KAZN: variants seen among roughly 807,000 people sequenced by gnomAD.
KAZN encodes kazrin, periplakin interacting protein, also known as kazrin.
In KAZN, 40 loss-of-function variants were observed where a neutral mutation model predicts 87.4. That is an observed-to-expected ratio of 0.46 (90% CI 0.36 to 0.60). The LOEUF is 0.60. KAZN is among the 20% of genes least tolerant of loss of function. The pLI, the probability that KAZN is intolerant of heterozygous loss-of-function variation, is 0.00. For synonymous variants in KAZN, 466 were observed against 458.3 expected, an observed-to-expected ratio of 1.02 and a Z score of -0.22; for missense variants, 898 against 1,073.9, an observed-to-expected ratio of 0.84 and a Z score of 2.29.
intron 2 of KAZN, among the ~76,000 whole-genome samples, chr1:14,419,635 T>G (rs1247224837): frequency 1.3e-5 from 2 of 152,216 alleles, no homozygotes; most frequent in Non-Finnish European, 2.9e-5. Flanking sequence ...CGGAGTTTGT[T>G]CCTTCTGATT....
intron 2 of KAZN, among the ~76,000 whole-genome samples, chr1:14,344,948 T>C (rs1402027828): frequency 1.3e-5 from 2 of 148,476 alleles, no homozygotes; most frequent in Non-Finnish European, 3.0e-5. Flanking sequence ...AGATGGAGAC[T>C]GGTTCTGTCG....
At chr1:14,940,000 C>T (rs912248739) in intron 1 of KAZN, among the ~76,000 whole-genome samples, 4 of 152,148 alleles carry the variant, frequency 2.6e-5, no homozygotes, top group African/African-American at 9.7e-5. Flanking sequence ...GGTCTGCCTC[C>T]CTCTGTACCC....
rs115906622 is a variant in KAZN at position 14,041,667 on chromosome 1, C to T, written c.92-138768C>T. Among the ~76,000 whole-genome samples the T allele has an allele frequency of 6.3e-3, 958 of 152,218 alleles. 10 individuals carry two copies. Among genetic ancestry groups the T allele is most frequent in the African/African-American group, 0.022 (921 of 41,540 alleles). The stretch of plus-strand genomic sequence containing the variant: ...TCCATTATCCTGGAATTCCCTTTAC[C>T]TTTCTCCTGTGCTAGATTCCCTATT... On this transcript the variant is annotated intron_variant, in intron 1 of 16. Coordinates refer to the KAZN transcript ENST00000636203.
chr1:14,229,390 TATTG>T (rs1446753264), intron 2 of KAZN, among the ~76,000 whole-genome samples: 1 of 152,242 alleles, frequency 6.6e-6, no homozygotes, highest in East Asian at 1.9e-4. Context: ...TAAAAAGTGT[TATTG>T]AGGTGTTATT....
At chr1:14,908,894 A>C (rs1315916617) in intron 1 of KAZN, among the ~76,000 whole-genome samples, 3 of 152,096 alleles carry the variant, frequency 2.0e-5, no homozygotes, top group African/African-American at 7.2e-5. Flanking sequence ...AGGCGCCTGT[A>C]ATCCCAGCTA....
chr1:14,129,329 T>G (rs1644941015), intron 1 of KAZN, among the ~76,000 whole-genome samples: 1 of 152,232 alleles, frequency 6.6e-6, no homozygotes, highest in African/African-American at 2.4e-5. Flanking sequence ...TCGATCCCTG[T>G]GCCCCTATGG....
chr1:14,094,363 C>T (rs961791901), intron 1 of KAZN, among the ~76,000 whole-genome samples: 3 of 152,122 alleles, frequency 2.0e-5, no homozygotes, highest in Non-Finnish European at 4.4e-5. Context: ...CACTTGGATA[C>T]CTATCCCAAG....
intron 13 of KAZN, among the ~76,000 whole-genome samples, chr1:15,104,588 G>T (rs934170482): frequency 6.6e-6 from 1 of 152,148 alleles, no homozygotes; most frequent in East Asian, 1.9e-4. Context: ...GGGGACAAAG[G>T]CTTGGAGTCA....
intron 2 of KAZN, among the ~76,000 whole-genome samples, chr1:14,344,929 T>C (rs1475060940): frequency 6.6e-6 from 1 of 151,816 alleles, no homozygotes; most frequent in Non-Finnish European, 1.5e-5. Flanking sequence ...TTTTTTTTTT[T>C]TTTCCTTGAG....
intron 1 of KAZN, among the ~76,000 whole-genome samples, chr1:13,935,859 C>T (rs947193563): frequency 9.6e-6 from 1 of 104,500 alleles, no homozygotes; most frequent in Non-Finnish European, 1.9e-5. Flanking sequence ...CTTTTACATC[C>T]TAATGTGTGT....
chr1:14,358,517 G>T (rs891665845), intron 2 of KAZN, among the ~76,000 whole-genome samples: 1 of 152,088 alleles, frequency 6.6e-6, no homozygotes, highest in African/African-American at 2.4e-5. Context: ...TGTGATGTTA[G>T]GGTGTCGATT....
At chr1:14,215,387 A>G (rs1646938217) in intron 2 of KAZN, among the ~76,000 whole-genome samples, 1 of 152,134 alleles carries the variant, frequency 6.6e-6, no homozygotes. Context: ...TTCCTGATGA[A>G]CAGACTTGGA....
At chr1:15,043,399 T>C (rs928575568) in intron 3 of KAZN, among the ~76,000 whole-genome samples, 1 of 152,232 alleles carries the variant, frequency 6.6e-6, no homozygotes, top group Non-Finnish European at 1.5e-5. Flanking sequence ...GATTGACTCC[T>C]GCCCCATTTT....
chr1:14,362,997 C>T (rs530993971), intron 2 of KAZN, among the ~76,000 whole-genome samples: 1 of 152,304 alleles, frequency 6.6e-6, no homozygotes, highest in African/African-American at 2.4e-5. Flanking sequence ...TCTCCTAGCC[C>T]ATGCTGTATC....
intron 1 of KAZN, among the ~76,000 whole-genome samples, chr1:14,727,196 G>A (rs1371723478): frequency 6.6e-6 from 1 of 152,304 alleles, no homozygotes; most frequent in Admixed American, 6.5e-5. Context: ...CAGTACATCT[G>A]TTGGATAACC....
At chr1:14,794,145 C>T (rs914583193) in intron 1 of KAZN, among the ~76,000 whole-genome samples, 5 of 152,170 alleles carry the variant, frequency 3.3e-5, no homozygotes, top group South Asian at 2.1e-4. Flanking sequence ...CACTCTCCAC[C>T]GGTTCTTCTA....
At chr1:14,485,766 G>A (rs886763846) in intron 2 of KAZN, among the ~76,000 whole-genome samples, 1 of 151,900 alleles carries the variant, frequency 6.6e-6, no homozygotes, top group Non-Finnish European at 1.5e-5. Context: ...GCTGGTGCGT[G>A]CCTGTAGTCC....
intron 1 of KAZN, among the ~76,000 whole-genome samples, chr1:14,840,468 A>G (rs2100927476): frequency 6.6e-6 from 1 of 152,386 alleles, no homozygotes; most frequent in East Asian, 1.9e-4. Flanking sequence ...ATATCTCTCA[A>G]ACATGAACCC....
intron 1 of KAZN, among the ~76,000 whole-genome samples, chr1:13,946,651 T>C (rs1245571347): frequency 6.6e-6 from 1 of 152,102 alleles, no homozygotes; most frequent in Non-Finnish European, 1.5e-5. Context: ...GAACTAATAT[T>C]CCAAAAGGGT....
Sources: allele counts gnomAD v4.1 joint callset (sites outside exome capture counted in the v4.1 genomes callset), GRCh38; gene constraint gnomAD v4.1.1; transcripts MANE v1.5; gene names NCBI Gene and HGNC (gene_info 2026-07-23, HGNC 2026-07-21).